SHC3: variants seen among roughly 807,000 people sequenced by gnomAD.
SHC3 encodes the protein SHC-transforming protein 3.
In SHC3, 15 loss-of-function variants were observed where a neutral mutation model predicts 60.4. The observed-to-expected ratio is 0.25, with a 90% CI of 0.17 to 0.38. The LOEUF (loss-of-function observed/expected upper bound fraction) is 0.38. Ranked by LOEUF, SHC3 falls within the 10% of genes least tolerant of loss-of-function variation. The pLI, the probability that SHC3 is intolerant of heterozygous loss-of-function variation, is 1.00. For missense variants in SHC3, 677 were observed against 786.1 expected, an observed-to-expected ratio of 0.86 and a Z score of 1.66; for synonymous variants, 294 against 325.9, an observed-to-expected ratio of 0.90 and a Z score of 1.05.
At chr9:89,076,891 C>A (rs568010764) in intron 3 of SHC3, among the ~76,000 whole-genome samples, 68 of 152,188 alleles carry the variant, frequency 4.5e-4, no homozygotes, top group African/African-American at 1.6e-3. Flanking sequence ...AAAAAACAGA[C>A]AATAGGGCCG....
chr9:89,045,279 C>CTG (rs1824753157), intron 9 of SHC3, among the ~76,000 whole-genome samples: 3 of 122,280 alleles, frequency 2.5e-5, no homozygotes, highest in Non-Finnish European at 5.1e-5. Flanking sequence ...AACACTGTTG[C>CTG]TTTTTTTTTT....
intron 11 of SHC3, among the ~76,000 whole-genome samples, chr9:89,026,497 G>T (rs1168937518): frequency 1.3e-5 from 2 of 151,962 alleles, no homozygotes; most frequent in African/African-American, 2.4e-5. Context: ...ACATTGTCCC[G>T]CCTTTCTAGA....
chr9:89,088,022 T>C (rs1019183376), intron 2 of SHC3, among the ~76,000 whole-genome samples: 2 of 152,250 alleles, frequency 1.3e-5, no homozygotes, highest in African/African-American at 4.8e-5. Context: ...CTACACTCTG[T>C]AGAAAATCCC....
intron 10 of SHC3, 133 bp from the exon 11 acceptor site, chr9:89,038,421 A>C: frequency 1.0e-6 from 1 of 955,094 alleles, no homozygotes; most frequent in Non-Finnish European, 1.5e-6. Context: ...ACAAAAACCA[A>C]TGGAGACAAC....
intron 7 of SHC3, among the ~76,000 whole-genome samples, chr9:89,051,505 T>C (rs181804108): frequency 1.3e-5 from 2 of 152,292 alleles, no homozygotes; most frequent in Admixed American, 1.3e-4. Flanking sequence ...ATAAAGCTGC[T>C]GAGACTCAAG....
At chr9:89,142,965 A>G (rs1826416798) in intron 1 of SHC3, among the ~76,000 whole-genome samples, 1 of 152,156 alleles carries the variant, frequency 6.6e-6, no homozygotes, top group African/African-American at 2.4e-5. Flanking sequence ...TTCCATGGTC[A>G]CCAGAAAGAT....
At chr9:89,030,065 A>G (rs528357351) in intron 11 of SHC3, among the ~76,000 whole-genome samples, 2 of 152,276 alleles carry the variant, frequency 1.3e-5, no homozygotes, top group Non-Finnish European at 2.9e-5. Flanking sequence ...AGAAAGCTGG[A>G]GTACATATAC....
At chr9:89,176,363 A>C (rs1168060108) in intron 1 of SHC3, among the ~76,000 whole-genome samples, 1 of 152,266 alleles carries the variant, frequency 6.6e-6, no homozygotes. Flanking sequence ...TTTAAAAAGC[A>C]AAAGCAAAGT....
chr9:89,171,075 A>G (rs926212275), intron 1 of SHC3, among the ~76,000 whole-genome samples: 3 of 152,184 alleles, frequency 2.0e-5, no homozygotes, highest in Non-Finnish European at 4.4e-5. Context: ...GGCAAAGAAC[A>G]CTCAAAACAA....
chr9:89,117,337 C>T (rs1826032453), intron 1 of SHC3, among the ~76,000 whole-genome samples: 1 of 152,110 alleles, frequency 6.6e-6, no homozygotes, highest in African/African-American at 2.4e-5. Flanking sequence ...TGAATCTTTG[C>T]CAAGGATGAG....
chr9:89,169,881 A>G (rs193076791), intron 1 of SHC3, among the ~76,000 whole-genome samples: 27 of 152,298 alleles, frequency 1.8e-4, no homozygotes, highest in Admixed American at 1.6e-3. Flanking sequence ...GTGGTTTACA[A>G]GGCATGTTAC....
At chr9:89,140,284 G>C (rs1297281876) in intron 1 of SHC3, among the ~76,000 whole-genome samples, 1 of 152,132 alleles carries the variant, frequency 6.6e-6, no homozygotes, top group Admixed American at 6.5e-5. Context: ...AGCCAGGAAA[G>C]CATGCATTTT....
intron 11 of SHC3, among the ~76,000 whole-genome samples, chr9:89,015,028 G>A (rs568766551): frequency 9.7e-4 from 148 of 152,276 alleles, no homozygotes; most frequent in Non-Finnish European, 1.7e-3. Flanking sequence ...CTGATTGTTG[G>A]GCACTAAGCC....
intron 1 of SHC3, among the ~76,000 whole-genome samples, chr9:89,140,198 AAG>A (rs1826372520): frequency 1.3e-5 from 2 of 152,196 alleles, no homozygotes; most frequent in Non-Finnish European, 1.5e-5. Context: ...TACATGACAG[AAG>A]AAGACCCAGT....
Position 89,043,000 on chromosome 9 carries a change from G to A in SHC3, c.1202-816C>T, listed in dbSNP as rs150057974. 6.3e-3 allele frequency among the ~76,000 whole-genome samples: 952 copies of A among 152,212 alleles called. 7 individuals carry two copies. The highest frequency in any genetic ancestry group is 0.022 in the African/African-American group (905 of 41,516). Reference sequence around the variant, plus strand: ...GAGAACGCCTGTTCAGATCCTTCTCGGAGTCTTTTTGTGTGTGCGCCCTGT... The same window carrying A: ...GAGAACGCCTGTTCAGATCCTTCTCAGAGTCTTTTTGTGTGTGCGCCCTGT... On this transcript the variant is annotated intron_variant, in intron 9 of 11. Coordinates refer to ENST00000375835, the MANE Select transcript of SHC3 (RefSeq NM_016848.6).
At position 89,178,142 on chromosome 9, in the gene SHC3, C is replaced by T; in HGVS notation, c.319G>A (p.Ala107Thr). 1.7e-6 allele frequency: 2 copies of T among 1,193,172 alleles called. No homozygotes were observed. Among genetic ancestry groups the T allele is most frequent in the Non-Finnish European group, 2.1e-6 (2 of 963,762 alleles). The allele number at this position is 1,193,172 out of a possible 1,614,324, so 73.9% of individuals were successfully genotyped here. The change falls in exon 1 of 12, where the codon GCC becomes ACC. Residue 107 changes from alanine (A) to threonine (T), a missense_variant. Ala to Thr is a moderately conservative substitution (Grantham distance 58, BLOSUM62 0). Coordinates refer to ENST00000375835, the MANE Select transcript of SHC3 (RefSeq NM_016848.6). The surrounding 1 kb of genome is among the most constrained non-coding windows in gnomAD (Gnocchi z 6.9). ...GCCGAGGGCGCACTGCCGTCCGGGGCGGCCAGGCTGGGCGCGCTGCAGCTG... is the reference window on the plus strand; with the variant it reads ...GCCGAGGGCGCACTGCCGTCCGGGGTGGCCAGGCTGGGCGCGCTGCAGCTG... ...SGSCSAPSLAAPDGSAPSAPR... is the reference protein window; with the variant it reads ...SGSCSAPSLATPDGSAPSAPR...
chr9:89,148,245 C>T (rs555605273), intron 1 of SHC3, among the ~76,000 whole-genome samples: 2 of 152,126 alleles, frequency 1.3e-5, no homozygotes, highest in Admixed American at 1.3e-4. Flanking sequence ...ATTAAATAGG[C>T]CTTCCCCTCA....
intron 1 of SHC3, among the ~76,000 whole-genome samples, chr9:89,125,849 C>T (rs1465036474): frequency 6.6e-6 from 1 of 152,176 alleles, no homozygotes; most frequent in Admixed American, 6.5e-5. Context: ...GAATTATCTA[C>T]CCATTGTTCA....
intron 6 of SHC3, among the ~76,000 whole-genome samples, chr9:89,053,769 G>A (rs918177627): frequency 6.6e-6 from 1 of 152,198 alleles, no homozygotes; most frequent in African/African-American, 2.4e-5. Context: ...ATTGCCCCCA[G>A]GTAGTCACAA....
Sources: allele counts gnomAD v4.1 joint callset (sites outside exome capture counted in the v4.1 genomes callset), GRCh38; gene constraint gnomAD v4.1.1; non-coding constraint Gnocchi (gnomAD v3.1); transcripts MANE v1.5; gene names NCBI Gene and HGNC (gene_info 2026-07-23, HGNC 2026-07-21).